The following GRID1 variants were observed in gnomAD, a reference collection of about 807,000 sequenced individuals.
GRID1 encodes glutamate ionotropic receptor delta type subunit 1, also known as glutamate receptor ionotropic, delta-1.
Under a neutral mutation model 98.0 loss-of-function variants are expected in GRID1, and 28 were observed. That is an observed-to-expected ratio of 0.29 (90% CI 0.21 to 0.39). The LOEUF (loss-of-function observed/expected upper bound fraction) is 0.39, where lower values mean the gene tolerates loss of function less well. GRID1 is among the 10% of genes least tolerant of loss of function. The pLI, the probability that GRID1 is intolerant of heterozygous loss-of-function variation, is 1.00. For synonymous variants in GRID1, 553 were observed against 538.5 expected, an observed-to-expected ratio of 1.03 and a Z score of -0.37; for missense variants, 1,111 against 1,340.5, an observed-to-expected ratio of 0.83 and a Z score of 2.67.
At chr10:85,717,825 C>T in intron 12 of GRID1, among the ~76,000 whole-genome samples, 1 of 152,164 alleles carries the variant, frequency 6.6e-6, no homozygotes. Flanking sequence ...AATGGAGATA[C>T]AGGTATTGGG....
chr10:86,224,305 C>T (rs1846306712), intron 2 of GRID1, among the ~76,000 whole-genome samples: 1 of 152,194 alleles, frequency 6.6e-6, no homozygotes, highest in African/African-American at 2.4e-5. Flanking sequence ...CAGAGCCTTA[C>T]CAGAGAGGGG....
intron 8 of GRID1, among the ~76,000 whole-genome samples, chr10:85,745,652 G>A (rs1463654375): frequency 2.1e-5 from 3 of 142,280 alleles, no homozygotes; most frequent in African/African-American, 8.0e-5. Flanking sequence ...CAGCGCACCA[G>A]CATGGCACAT....
At chr10:85,698,833 G>T (rs1841421733) in intron 12 of GRID1, among the ~76,000 whole-genome samples, 1 of 152,174 alleles carries the variant, frequency 6.6e-6, no homozygotes. Context: ...GTCTTGGATT[G>T]TGGCCATGTT....
rs529783103 is a variant in GRID1, at chr10:86,038,763, T to C, written c.726+100056A>G. Reference sequence around the variant, plus strand: ...TGTGTCACTTCTCTTTAACGTAACTTTGTGCATGTCTGTGAGGATCTATTG... The same window carrying C: ...TGTGTCACTTCTCTTTAACGTAACTCTGTGCATGTCTGTGAGGATCTATTG... On this transcript the variant is annotated intron_variant, in intron 4 of 15. Transcript: ENST00000327946. Among the ~76,000 whole-genome samples the C allele has an allele frequency of 8.5e-5, 13 of 152,234 alleles. No individual in the cohort carries two copies. The South Asian group carries it at 1.2e-3, about 15-fold the overall frequency.
intron 2 of GRID1, among the ~76,000 whole-genome samples, chr10:86,320,739 C>T (rs1441795100): frequency 2.0e-5 from 3 of 152,058 alleles, no homozygotes; most frequent in Non-Finnish European, 2.9e-5. Context: ...GGAAAATGCT[C>T]CAAATATGGA....
At position 86,206,633 on chromosome 10, in the gene GRID1, G is replaced by C; in HGVS notation, c.251C>G (p.Thr84Ser). Residue 84 changes from threonine to serine, a missense_variant, in exon 3 of 16, where the codon ACC becomes AGC. Around this residue, in one of 3 missense-constraint regions of GRID1, gnomAD observed 346 missense variants for 452.3 expected, o/e 0.76. Transcript: ENST00000327946. This position sits in a 1 kb window ranked among gnomAD's most constrained non-coding sequence, Gnocchi z 4.1. ...QAVQEACDLM[T>S]QGILALVTST... Reference sequence around the variant, plus strand: ...CGTGACCAAGGCCAAAATCCCCTGGGTCATGAGGTCACAGGCTAGAAAGAG... The same window carrying C: ...CGTGACCAAGGCCAAAATCCCCTGGCTCATGAGGTCACAGGCTAGAAAGAG... The C allele has an allele frequency of 6.2e-7, 1 of 1,613,274 alleles. No individual in the cohort carries two copies.
chr10:86,231,654 T>C (rs539148226), intron 2 of GRID1, among the ~76,000 whole-genome samples: 1 of 152,268 alleles, frequency 6.6e-6, no homozygotes, highest in Middle Eastern at 3.4e-3. Flanking sequence ...GAATAACCTG[T>C]CCAAGTGTGT....
intron 2 of GRID1, among the ~76,000 whole-genome samples, chr10:86,212,884 G>A (rs552504431): frequency 1.3e-5 from 2 of 152,086 alleles, no homozygotes; most frequent in African/African-American, 2.4e-5. Context: ...CATTTAAAAG[G>A]TAACCAAAAC....
intron 4 of GRID1, among the ~76,000 whole-genome samples, chr10:86,103,058 T>G (rs2131946184): frequency 6.6e-6 from 1 of 152,324 alleles, no homozygotes; most frequent in East Asian, 1.9e-4. Flanking sequence ...CATGTGGAAC[T>G]GTGAATCCAT....
At chr10:85,729,063 G>A (rs1408787731) in intron 9 of GRID1, among the ~76,000 whole-genome samples, 1 of 152,148 alleles carries the variant, frequency 6.6e-6, no homozygotes, top group Non-Finnish European at 1.5e-5. Context: ...ACTACCGAAT[G>A]GTCTTCATTC....
intron 2 of GRID1, among the ~76,000 whole-genome samples, chr10:86,239,011 T>C (rs1164980940): frequency 6.6e-6 from 1 of 152,020 alleles, no homozygotes; most frequent in Admixed American, 6.6e-5. Context: ...GACCCCAGAA[T>C]GGTAGATCCA....
At chr10:85,730,883 G>A (rs1564572944) in intron 8 of GRID1, among the ~76,000 whole-genome samples, 1 of 152,110 alleles carries the variant, frequency 6.6e-6, no homozygotes, top group Non-Finnish European at 1.5e-5. Flanking sequence ...CTAATCCATG[G>A]ACCACAATTT....
chr10:85,703,123 A>C (rs1410407106), intron 12 of GRID1, among the ~76,000 whole-genome samples: 1 of 152,080 alleles, frequency 6.6e-6, no homozygotes, highest in Non-Finnish European at 1.5e-5. Context: ...AATCGAGCAA[A>C]TTCTAAACAA....
chr10:85,703,529 A>G (rs1022186971), intron 12 of GRID1, among the ~76,000 whole-genome samples: 1 of 152,110 alleles, frequency 6.6e-6, no homozygotes, highest in Non-Finnish European at 1.5e-5. Context: ...TAGGAGGAAG[A>G]AGGAGAGGAG....
intron 3 of GRID1, among the ~76,000 whole-genome samples, chr10:86,170,126 C>T (rs1393743059): frequency 6.6e-6 from 1 of 152,228 alleles, no homozygotes; most frequent in African/African-American, 2.4e-5. Context: ...TTGAGGGAAT[C>T]ACACAGCCAA....
At chr10:85,987,731 GC>G (rs1442482437) in intron 4 of GRID1, among the ~76,000 whole-genome samples, 14 of 151,386 alleles carry the variant, frequency 9.2e-5, no homozygotes, top group Non-Finnish European at 1.8e-4. Context: ...CCATGCCAGT[GC>G]CCTTTTCCCA....
chr10:85,774,642 A>C (rs1357053395), intron 8 of GRID1, among the ~76,000 whole-genome samples: 1 of 152,186 alleles, frequency 6.6e-6, no homozygotes, highest in Admixed American at 6.5e-5. Flanking sequence ...GAAAACAAAC[A>C]ACCCTATTAA....
Position 86,366,091 on chromosome 10 carries a change from G to T in GRID1, c.79+223C>A, listed in dbSNP as rs1848673459. Among the ~76,000 whole-genome samples the T allele has an allele frequency of 6.6e-6, 1 of 152,018 alleles. No homozygotes were observed. On this transcript the variant is annotated intron_variant, in intron 1 of 15. Coordinates refer to ENST00000327946, the MANE Select transcript of GRID1 (RefSeq NM_017551.3). The surrounding 1 kb of genome is among the most constrained non-coding windows in gnomAD (Gnocchi z 4.1). ...GCCCTAAGTGTCGGTAGAGGCCGCG[G>T]GGCCCCGCGCGGAGATCGGAGCCCC...
intron 4 of GRID1, among the ~76,000 whole-genome samples, chr10:85,929,965 T>A (rs534257130): frequency 3.3e-5 from 5 of 152,338 alleles, no homozygotes; most frequent in Admixed American, 2.6e-4. Flanking sequence ...GTATTTCCAA[T>A]CTACCTGTAT....
Sources: allele counts gnomAD v4.1 joint callset (sites outside exome capture counted in the v4.1 genomes callset), GRCh38; gene constraint gnomAD v4.1.1; regional missense constraint gnomAD v4.1.1; non-coding constraint Gnocchi (gnomAD v3.1); transcripts MANE v1.5; gene names NCBI Gene and HGNC (gene_info 2026-07-23, HGNC 2026-07-21).